The following TRIM37 variants were observed in gnomAD, a reference collection of about 807,000 sequenced individuals.
TRIM37 encodes the protein tripartite motif containing 37, also known as E3 ubiquitin-protein ligase TRIM37.
Under a neutral mutation model 129.8 loss-of-function variants are expected in TRIM37, and 80 were observed. The ratio of observed to expected loss-of-function variants is 0.62; its 90% confidence interval spans 0.51 to 0.74. TRIM37 has a LOEUF of 0.74. TRIM37 is among the 30% of genes least tolerant of loss of function. The pLI is 0.00. For synonymous variants in TRIM37, 389 were observed against 387.1 expected (o/e 1.00, Z -0.06); for missense variants, 1,054 against 1,176.5 (o/e 0.90, Z 1.52).
chr17:59,028,650 C>T lies in TRIM37; in HGVS notation c.2022G>A (p.Met674Ile), dbSNP rs200239638. 1.2e-4 allele frequency: 199 copies of T among 1,614,172 alleles called. No individual in the cohort carries two copies. The highest frequency in any genetic ancestry group is 1.8e-4 in the Admixed American group (11 of 60,024). ...AMWRVPSDLK[M>I]LKRLKTQMAE... ...CCATTTGAGTTTTGAGTCTTTTTAGCATCTTTAAATCAGAGGGCACTCGCC... is the reference window on the plus strand; with the variant it reads ...CCATTTGAGTTTTGAGTCTTTTTAGTATCTTTAAATCAGAGGGCACTCGCC... Residue 674 changes from methionine (M) to isoleucine (I), a missense_variant, in exon 19 of 24, where the codon ATG (methionine) becomes ATA (isoleucine). By Grantham distance (10) the Met-to-Ile change is conservative (BLOSUM62 1). Transcript: ENST00000262294.
At chr17:59,029,565 A>ATTATGTGTTATGTGTTATGTGT (rs34220759) in intron 18 of TRIM37, among the ~76,000 whole-genome samples, 10 of 152,146 alleles carry the variant, frequency 6.6e-5, no homozygotes, top group African/African-American at 2.2e-4. Flanking sequence ...TGTTCACTAA[A>ATTATGTGTTATGTGTTATGTGT]TATGTGTTAA....
chr17:59,097,747 A>T (rs993840439), intron 2 of TRIM37, among the ~76,000 whole-genome samples: 1 of 152,176 alleles, frequency 6.6e-6, no homozygotes, highest in Non-Finnish European at 1.5e-5. Flanking sequence ...AATAAAAAAC[A>T]AAAAGAAAGA....
At chr17:59,014,714 GAA>G (rs56746628) in intron 21 of TRIM37, among the ~76,000 whole-genome samples, 1 of 111,222 alleles carries the variant, frequency 9.0e-6, no homozygotes, top group Non-Finnish European at 1.9e-5. Context: ...AGGATAGACT[GAA>G]AAAAAAAAAA....
chr17:59,105,091 C>A (rs866481154), intron 1 of TRIM37, among the ~76,000 whole-genome samples: 1,051 of 122,086 alleles, frequency 8.6e-3, no homozygotes, highest in Middle Eastern at 0.013. Flanking sequence ...GATTCTGTCT[C>A]AAAAAAAAAA....
In TRIM37 at chr17:59,081,254, C is replaced by T. The variant is rs777266289; in HGVS notation, c.370-35G>A. 3.1e-6 allele frequency: 5 copies of T among 1,603,780 alleles called. No individual in the cohort carries two copies. The Admixed American group carries it at 8.4e-5, about 27-fold the overall frequency. Reference sequence around the variant, plus strand: ...TTAGAGTAGCTTTAGAACACTTTCACATATCTCATCTGCATTTACATTCCT... The same window carrying T: ...TTAGAGTAGCTTTAGAACACTTTCATATATCTCATCTGCATTTACATTCCT... On this transcript the variant is annotated intron_variant, in intron 5 of 23. Coordinates refer to ENST00000262294, the MANE Select transcript of TRIM37 (RefSeq NM_015294.6).
chr17:59,010,262 G>C (rs565658005), intron 22 of TRIM37, among the ~76,000 whole-genome samples: 1 of 152,242 alleles, frequency 6.6e-6, no homozygotes, highest in East Asian at 1.9e-4. Flanking sequence ...TGTTGTAACC[G>C]GAGGGAAACA....
chr17:58,976,553 C>T, the TRIM37 span, among the ~76,000 whole-genome samples: 1 of 152,198 alleles, frequency 6.6e-6, no homozygotes, highest in African/African-American at 2.4e-5. Context: ...AACAGTTTCT[C>T]CCCATGAGCC....
downstream of TRIM37, among the ~76,000 whole-genome samples, chr17:58,993,588 A>ACAGATCAGAT (rs575662411): frequency 3.9e-5 from 6 of 152,194 alleles, no homozygotes; most frequent in Non-Finnish European, 1.5e-5. Context: ...AGGGCAGAGA[A>ACAGATCAGAT]CAGATCAGAT....
intron 21 of TRIM37, among the ~76,000 whole-genome samples, chr17:59,015,175 C>T (rs1243103348): frequency 4.0e-5 from 6 of 151,702 alleles, no homozygotes; most frequent in Non-Finnish European, 7.4e-5. Context: ...CAGTGGCTCA[C>T]GCCTGTAATC....
chr17:58,982,691 G>T, exon 25 of TRIM37: 1 of 483,712 alleles, frequency 2.1e-6, no homozygotes, highest in Non-Finnish European at 3.7e-6. Flanking sequence ...AAATTTGGAT[G>T]TAAGTAGAGA....
chr17:59,020,182 G>C (rs983197095), intron 19 of TRIM37, among the ~76,000 whole-genome samples: 1 of 116,300 alleles, frequency 8.6e-6, no homozygotes, highest in Admixed American at 1.3e-4. Context: ...AGTGAGCCAA[G>C]ATCACGCCAC....
At position 59,106,878 on chromosome 17, in the gene TRIM37, T is replaced by A. The variant is rs1349978282; in HGVS notation, c.-417A>T. 1 of 311,888 alleles carries A rather than the reference T, an allele frequency of 3.2e-6. No homozygotes were observed. The highest frequency in any genetic ancestry group is 2.3e-5 in the African/African-American group (1 of 44,022). 19.3% of individuals were successfully genotyped at this position (311,888 alleles called of 1,614,324 possible). On this transcript the variant is annotated 5_prime_UTR_variant, in exon 1 of 24. Coordinates refer to ENST00000262294, the MANE Select transcript of TRIM37 (RefSeq NM_015294.6). ...CTGGGGGCGCGGCGGCGAGAGAAGCTGCGAAGCGCATGCGCGCAGGACGCT... is the reference window on the plus strand; with the variant it reads ...CTGGGGGCGCGGCGGCGAGAGAAGCAGCGAAGCGCATGCGCGCAGGACGCT...
intron 19 of TRIM37, among the ~76,000 whole-genome samples, chr17:59,027,289 T>C (rs2037349642): frequency 6.6e-6 from 1 of 152,230 alleles, no homozygotes; most frequent in Non-Finnish European, 1.5e-5. Flanking sequence ...TCTCAATAAA[T>C]GATACCACTG....
chr17:59,052,377 C>G (rs2040431361), intron 13 of TRIM37, among the ~76,000 whole-genome samples: 1 of 152,188 alleles, frequency 6.6e-6, no homozygotes, highest in South Asian at 2.1e-4. Context: ...CTACATCTCT[C>G]TCATTCCTTC....
intron 19 of TRIM37, 148 bp from the exon 20 acceptor site, chr17:59,017,572 G>C: frequency 9.1e-7 from 1 of 1,103,506 alleles, no homozygotes; most frequent in Non-Finnish European, 1.3e-6. Context: ...AGCCCCAATT[G>C]GTTTAGACTT....
At chr17:59,052,203 T>C (rs991536910) in intron 13 of TRIM37, among the ~76,000 whole-genome samples, 2 of 104,834 alleles carry the variant, frequency 1.9e-5, no homozygotes, top group African/African-American at 8.9e-5. Flanking sequence ...CTATCCAGAG[T>C]TGTTTTAATT....
the TRIM37 span, chr17:58,972,158 G>A: frequency 1.9e-5 from 31 of 1,614,006 alleles, no homozygotes; most frequent in East Asian, 6.9e-4. Context: ...CCACAGGAGT[G>A]GTGACTTTCA....
At chr17:59,077,889 G>A (rs891349437) in intron 7 of TRIM37, among the ~76,000 whole-genome samples, 9 of 150,904 alleles carry the variant, frequency 6.0e-5, no homozygotes, top group Admixed American at 5.3e-4. Flanking sequence ...TTCGGGAGGC[G>A]GAGGTGGGTG....
chr17:58,971,077 C>T, the TRIM37 span, among the ~76,000 whole-genome samples: 20 of 152,000 alleles, frequency 1.3e-4, no homozygotes, highest in African/African-American at 4.1e-4. Context: ...TTTGTCTCAG[C>T]GCCCCTTTTC....
Sources: gnomAD v4.1 joint callset for allele counts (sites outside exome capture counted in the v4.1 genomes callset) on GRCh38, gnomAD v4.1.1 for gene constraint, MANE v1.5 for transcripts, NCBI Gene and HGNC (gene_info 2026-07-23, HGNC 2026-07-21) for gene names.